Variants in HIBADH observed in about 807,000 individuals in gnomAD.
HIBADH encodes 3-hydroxyisobutyrate dehydrogenase, also known as 3-hydroxyisobutyrate dehydrogenase, mitochondrial.
In HIBADH, 25 loss-of-function variants were observed where a neutral mutation model predicts 36.1. The observed-to-expected ratio is 0.69, with a 90% CI of 0.50 to 0.97. The LOEUF (loss-of-function observed/expected upper bound fraction) is 0.97. HIBADH is among the 50% of genes least tolerant of loss of function. HIBADH has a pLI of 0.00. For missense variants in HIBADH, 421 were observed against 418.0 expected (o/e 1.01, Z -0.06); for synonymous variants, 160 against 149.5 (o/e 1.07, Z -0.51).
In HIBADH at chr7:27,531,453, T is replaced by C. The variant is rs924057947; in HGVS notation, c.696-105A>G. ...CCATCTTCTCTCTCCATTTATTATATGTCTTCTAAAATCTAAGCAGGTTGA... is the reference window on the plus strand; with the variant it reads ...CCATCTTCTCTCTCCATTTATTATACGTCTTCTAAAATCTAAGCAGGTTGA... On this transcript the variant is annotated intron_variant, in intron 6 of 7. Transcript: ENST00000265395. 7.8e-6 allele frequency: 8 copies of C among 1,023,460 alleles called. No homozygotes were observed. In the Admixed American group the frequency reaches 2.1e-4, roughly 27 times the overall value. 63.4% of individuals were successfully genotyped at this position (1,023,460 alleles called of 1,614,324 possible). A position where few individuals can be genotyped will look rare whatever the true frequency, so the allele number is the denominator to read the frequency against.
chr7:27,533,081 C>T (rs565715485), intron 6 of HIBADH, among the ~76,000 whole-genome samples: 1 of 152,210 alleles, frequency 6.6e-6, no homozygotes, highest in African/African-American at 2.4e-5. Flanking sequence ...TTCAGGGCTT[C>T]CTAACTTAGA....
Position 27,531,332 on chromosome 7 carries a change from T to C in HIBADH, c.712A>G (p.Lys238Glu), listed in dbSNP as rs746699632. Residue 238 changes from lysine (K) to glutamate (E), a missense_variant, in exon 7 of 8, where the codon AAA (lysine) becomes GAA (glutamate). By Grantham distance (56) the Lys-to-Glu change is moderately conservative. Transcript: ENST00000265395. ...NLGIRLGLDP[K>E]LLAKILNMSS... ...ATATTTAGGATTTTAGCCAGTAGTT[T>C]TGGGTCAAGCCCTAACCTGTCAAAG... 18 of 1,613,040 alleles carry C rather than the reference T, an allele frequency of 1.1e-5. No homozygotes were observed. The highest frequency in any genetic ancestry group is 1.4e-5 in the Non-Finnish European group (16 of 1,179,324).
intron 4 of HIBADH, among the ~76,000 whole-genome samples, chr7:27,595,537 TAAA>T (rs796202903): frequency 0.095 from 1,138 of 11,962 alleles, 20 homozygotes; most frequent in African/African-American, 0.37. Flanking sequence ...TGTCTCAAAA[TAAA>T]TAAATAAATA....
chr7:27,636,181 T>C (rs897122180), intron 2 of HIBADH, among the ~76,000 whole-genome samples: 1 of 152,214 alleles, frequency 6.6e-6, no homozygotes, highest in South Asian at 2.1e-4. Context: ...CTAGTTGCTT[T>C]ACATGAAGAG....
At chr7:27,579,763 A>G (rs141992622) in intron 4 of HIBADH, among the ~76,000 whole-genome samples, 21 of 152,322 alleles carry the variant, frequency 1.4e-4, no homozygotes, top group African/African-American at 4.8e-4. Context: ...CCACAACATT[A>G]CGTTTAGAAA....
At chr7:27,554,048 C>A (rs1235746147) in intron 4 of HIBADH, among the ~76,000 whole-genome samples, 1 of 152,040 alleles carries the variant, frequency 6.6e-6, no homozygotes, top group Admixed American at 6.6e-5. Flanking sequence ...TACAGTGGTG[C>A]GATCCCAGCT....
At chr7:27,618,751 G>A (rs1361671376) in intron 4 of HIBADH, among the ~76,000 whole-genome samples, 2 of 152,148 alleles carry the variant, frequency 1.3e-5, no homozygotes, top group East Asian at 1.9e-4. Flanking sequence ...ATCAGCATCT[G>A]CACAGCTTTT....
At chr7:27,559,659 A>T (rs1349330827) in intron 4 of HIBADH, among the ~76,000 whole-genome samples, 1 of 151,916 alleles carries the variant, frequency 6.6e-6, no homozygotes, top group Non-Finnish European at 1.5e-5. Context: ...TAACAAAAAA[A>T]CCCTATGAGT....
intron 4 of HIBADH, among the ~76,000 whole-genome samples, chr7:27,591,492 A>G (rs974949198): frequency 6.6e-6 from 1 of 152,000 alleles, no homozygotes; most frequent in Non-Finnish European, 1.5e-5. Context: ...CGGAGGTTGC[A>G]GTGAGCCGAA....
chr7:27,633,617 C>T (rs187360888), intron 2 of HIBADH, among the ~76,000 whole-genome samples: 96 of 152,148 alleles, frequency 6.3e-4, no homozygotes, highest in African/African-American at 2.2e-3. Context: ...TATGATCGCG[C>T]CACCATACTC....
intron 4 of HIBADH, among the ~76,000 whole-genome samples, chr7:27,558,155 A>T (rs1784419615): frequency 1.3e-5 from 2 of 152,068 alleles, no homozygotes; most frequent in South Asian, 4.2e-4. Flanking sequence ...GAAACTTCTT[A>T]AAGATTTGTC....
chr7:27,597,013 A>T (rs890243847), intron 4 of HIBADH, among the ~76,000 whole-genome samples: 4 of 152,176 alleles, frequency 2.6e-5, no homozygotes, highest in Admixed American at 6.5e-5. Context: ...CTTTTTTTAA[A>T]TATTAAGGCA....
At chr7:27,541,060 T>TGCC (rs1784142808) in intron 5 of HIBADH, among the ~76,000 whole-genome samples, 1 of 152,046 alleles carries the variant, frequency 6.6e-6, no homozygotes, top group Non-Finnish European at 1.5e-5. Flanking sequence ...AACAGTAGAG[T>TGCC]TAGCCTATCC....
intron 1 of HIBADH, among the ~76,000 whole-genome samples, chr7:27,660,211 A>T (rs948398555): frequency 6.6e-6 from 1 of 152,246 alleles, no homozygotes. Flanking sequence ...CAGAATTCAG[A>T]ACATCACACA....
chr7:27,534,232 T>A (rs1341674496), intron 6 of HIBADH, among the ~76,000 whole-genome samples: 1 of 152,230 alleles, frequency 6.6e-6, no homozygotes, highest in African/African-American at 2.4e-5. Flanking sequence ...AAATGTTTGT[T>A]TATATTATCT....
chr7:27,623,240 A>G (rs1289943629), intron 4 of HIBADH, among the ~76,000 whole-genome samples: 2 of 152,208 alleles, frequency 1.3e-5, no homozygotes, highest in Non-Finnish European at 2.9e-5. Context: ...CTAGGCATAG[A>G]AGGAACATAC....
chr7:27,578,774 T>C (rs1784750761), intron 4 of HIBADH, among the ~76,000 whole-genome samples: 1 of 152,176 alleles, frequency 6.6e-6, no homozygotes, highest in Non-Finnish European at 1.5e-5. Context: ...CTCTGCTTCC[T>C]TGCACCTGAG....
intron 4 of HIBADH, among the ~76,000 whole-genome samples, chr7:27,561,375 T>TA (rs1298521862): frequency 1.3e-5 from 2 of 151,862 alleles, no homozygotes; most frequent in East Asian, 1.9e-4. Flanking sequence ...CTTATTTGAC[T>TA]AAAAAAAATA....
At chr7:27,608,462 A>AC (rs1420887159) in intron 4 of HIBADH, among the ~76,000 whole-genome samples, 1 of 152,226 alleles carries the variant, frequency 6.6e-6, no homozygotes, top group Non-Finnish European at 1.5e-5. Context: ...ACTTAACGTC[A>AC]TATACTTTTC....
Sources: gnomAD v4.1 joint callset for allele counts (sites outside exome capture counted in the v4.1 genomes callset) on GRCh38, gnomAD v4.1.1 for gene constraint, MANE v1.5 for transcripts, NCBI Gene and HGNC (gene_info 2026-07-23, HGNC 2026-07-21) for gene names.